TUBGCP6: variants seen among roughly 807,000 people sequenced by gnomAD.
The protein encoded by TUBGCP6 is gamma-tubulin complex component 6.
Under a neutral mutation model 175.8 loss-of-function variants are expected in TUBGCP6, and 161 were observed. That is an observed-to-expected ratio of 0.92 (90% CI 0.81 to 1.04). The LOEUF is 1.04. Among genes scored for constraint, TUBGCP6 ranks in the 50% least tolerant of loss-of-function variants. The pLI is 0.00. For missense variants in TUBGCP6, 2,572 were observed against 2,433.0 expected (o/e 1.06, Z -1.20); for synonymous variants, 1,173 against 1,030.5 (o/e 1.14, Z -2.65).
At chr22:50,243,275 C>T (rs543313737) in intron 1 of TUBGCP6, among the ~76,000 whole-genome samples, 1 of 152,146 alleles carries the variant, frequency 6.6e-6, no homozygotes, top group Non-Finnish European at 1.5e-5. Flanking sequence ...TGGTGAAACC[C>T]CATCTCTACT....
chr22:50,243,526 G>T (rs1406061106), intron 1 of TUBGCP6, among the ~76,000 whole-genome samples, 193 bp downstream of exon 1: 4 of 147,056 alleles, frequency 2.7e-5, no homozygotes, highest in Non-Finnish European at 5.9e-5. Context: ...GCTGAGGTAC[G>T]AGAATTGCTT....
At position 50,220,546 on chromosome 22, in the gene TUBGCP6, G is replaced by A. The variant is rs772513759; in HGVS notation, c.3813C>T (p.Pro1271=). Residue 1271 remains proline (P), a synonymous_variant, in exon 16 of 25, where the codon CCC becomes CCT. Coordinates refer to ENST00000248846, the MANE Select transcript of TUBGCP6 (RefSeq NM_020461.4). ...STRPRWNTHV[P]IPPPHMVLGA... ...CCAGCACCATGTGGGGCGGAGGGATGGGTACATGGGTGTTCCACCGTGGCC... is the reference window on the plus strand; with the variant it reads ...CCAGCACCATGTGGGGCGGAGGGATAGGTACATGGGTGTTCCACCGTGGCC... 5 of 1,613,530 alleles carry A rather than the reference G, an allele frequency of 3.1e-6. No individual in the cohort carries two copies. Among genetic ancestry groups the A allele is most frequent in the South Asian group, 2.2e-5 (2 of 91,078 alleles).
In TUBGCP6 at chr22:50,219,691, G is replaced by T; in HGVS notation, c.4268C>A (p.Ala1423Glu). Residue 1423 changes from alanine to glutamate, a missense_variant, in exon 18 of 25, where the codon GCA (alanine) becomes GAA (glutamate). Ala to Glu is a moderately radical substitution (Grantham distance 107). Coordinates refer to ENST00000248846, the MANE Select transcript of TUBGCP6 (RefSeq NM_020461.4). ...GTACCGCTCCAAGTGGTACTGCCCT[G>T]CCAGGCCTGCCAGGTAGGCCTGCTC... ...GGEQAYLAGL[A>E]GQYHLERYPD... 1 of 1,613,678 alleles carries T rather than the reference G, an allele frequency of 6.2e-7. No individual in the cohort carries two copies. The highest frequency in any genetic ancestry group is 8.5e-7 in the Non-Finnish European group (1 of 1,179,960).
rs1158731732 is a variant in TUBGCP6 at position 50,224,175 on chromosome 22, T to G, written c.2236A>C (p.Lys746Gln). 6.2e-7 allele frequency: 1 copy of G among 1,614,018 alleles called. No homozygotes were observed. Among genetic ancestry groups the G allele is most frequent in the Non-Finnish European group, 8.5e-7 (1 of 1,180,012 alleles). The change falls in exon 13 of 25, where the codon AAG (lysine) becomes CAG (glutamine). Residue 746 changes from lysine to glutamine, a missense_variant. Lys to Gln is a moderately conservative substitution (Grantham distance 53). Transcript: ENST00000248846. ...CTCTCCAGCTCCTCCTCCAGGGACT[T>G]CAGCCTTCTCTCCCTGTCTCGGAGT... ...RELRDRERRL[K>Q]SLEEELERKA...
At chr22:50,226,449 G>T in intron 7 of TUBGCP6, 71 bp from the exon 8 acceptor site, 2 of 1,419,690 alleles carry the variant, frequency 1.4e-6, no homozygotes, top group Non-Finnish European at 1.9e-6. Flanking sequence ...GTCAGTGAGG[G>T]GTGGGACAGG....
In TUBGCP6 at chr22:50,218,493, C is replaced by T. The variant is rs1281933667; in HGVS notation, c.4949G>A (p.Arg1650His). ...GGGCTCCAGCGGGGCCTCACCTGTG[C>T]GCTTGAGGTGGAAGCAGACGTCCTT... ...ALKDVCFHLK[R>H]TALLSHMAGS... is the part of the protein sequence containing the mutation. Residue 1650 changes from arginine (R) to histidine (H), a missense_variant, in exon 22 of 25, where the codon CGC becomes CAC. Arg to His is a conservative substitution (Grantham distance 29). Transcript: ENST00000248846. 7 of 1,613,496 alleles carry T rather than the reference C, an allele frequency of 4.3e-6. No individual in the cohort carries two copies. The highest frequency in any genetic ancestry group is 5.9e-6 in the Non-Finnish European group (7 of 1,179,938).
rs1291580756 is a variant in TUBGCP6, at chr22:50,244,739, C to T, written c.-280G>A. ...TTTCTTCTAATTCAGTAGCCCTCAA[C>T]CTTTAGGGAGTCACAGAACCGTGGC... On this transcript the variant is annotated 5_prime_UTR_variant, in exon 1 of 25. Transcript: ENST00000248846. 8.0e-5 allele frequency: 36 copies of T among 451,606 alleles called. No individual in the cohort carries two copies. In the East Asian group the frequency reaches 1.2e-3, roughly 15 times the overall value. The allele number at this position is 451,606 out of a possible 1,614,324, so 28.0% of individuals were successfully genotyped here. A position where few individuals can be genotyped will look rare whatever the true frequency, so the allele number is the denominator to read the frequency against.
Position 50,220,944 on chromosome 22 carries a change from T to A in TUBGCP6, c.3415A>T (p.Asn1139Tyr), listed in dbSNP as rs879117960. ...TTCTCCCCAACCCTGATGCTGGCGTTGGACACGTGCCCGTGGGTATTCCAC... is the reference window on the plus strand; with the variant it reads ...TTCTCCCCAACCCTGATGCTGGCGTAGGACACGTGCCCGTGGGTATTCCAC... ...PRWNTHGHVS[N>Y]ASIRVGENVS... The change falls in exon 16 of 25, where the codon AAC becomes TAC. Residue 1139 changes from asparagine (N) to tyrosine (Y), a missense_variant. By Grantham distance (143) the Asn-to-Tyr change is moderately radical (BLOSUM62 -2). Coordinates refer to ENST00000248846, the MANE Select transcript of TUBGCP6 (RefSeq NM_020461.4). 1.3e-6 allele frequency: 2 copies of A among 1,517,900 alleles called. No homozygotes were observed. The highest frequency in any genetic ancestry group is 2.3e-5 in the South Asian group (2 of 88,634). The allele number at this position is 1,517,900 out of a possible 1,614,324, so 94.0% of individuals were successfully genotyped here.
At chr22:50,228,084 C>T in intron 4 of TUBGCP6, 56 bp from the exon 5 acceptor site, 1 of 1,476,526 alleles carries the variant, frequency 6.8e-7, no homozygotes, top group Non-Finnish European at 9.0e-7. Flanking sequence ...CAGCCGTGCC[C>T]AGGGCCTGAG....
chr22:50,243,617 CA>C (rs375302946), intron 1 of TUBGCP6, 101 bp downstream of exon 1: 23,637 of 545,724 alleles, frequency 0.043, no homozygotes, highest in Middle Eastern at 0.096. Context: ...GACACTGTCT[CA>C]AAAAAAAAAA....
chr22:50,242,789 T>G (rs924154860), intron 1 of TUBGCP6, among the ~76,000 whole-genome samples: 1 of 152,194 alleles, frequency 6.6e-6, no homozygotes, highest in Non-Finnish European at 1.5e-5. Flanking sequence ...GCTGAGGAAC[T>G]GAGTATTTTA....
At position 50,220,931 on chromosome 22, in the gene TUBGCP6, C is replaced by T. The variant is rs887018694; in HGVS notation, c.3428G>A (p.Arg1143Lys). The stretch of plus-strand genomic sequence containing the variant: ...CACGTCCGACACGTTCTCCCCAACC[C>T]TGATGCTGGCGTTGGACACGTGCCC... Reference protein sequence around the residue: ...THGHVSNASIRVGENVSDVAP... With the variant: ...THGHVSNASIKVGENVSDVAP... Residue 1143 changes from arginine to lysine, a missense_variant, in exon 16 of 25, where the codon AGG becomes AAG. By Grantham distance (26) the Arg-to-Lys change is conservative. Transcript: ENST00000248846. 1 of 1,606,792 alleles carries T rather than the reference C, an allele frequency of 6.2e-7. No homozygotes were observed. The highest frequency in any genetic ancestry group is 1.3e-5 in the African/African-American group (1 of 74,082).
At chr22:50,241,746 G>A (rs776000453) in intron 1 of TUBGCP6, among the ~76,000 whole-genome samples, 2 of 152,146 alleles carry the variant, frequency 1.3e-5, no homozygotes, top group African/African-American at 2.4e-5. Context: ...CCTATCATTG[G>A]AGATGACTCA....
At chr22:50,241,001 G>C (rs2064831872) in intron 1 of TUBGCP6, among the ~76,000 whole-genome samples, 1 of 152,148 alleles carries the variant, frequency 6.6e-6, no homozygotes, top group Admixed American at 6.6e-5. Context: ...AAGCCACCCA[G>C]GTGCCGAGGC....
rs1177707249 is a variant in TUBGCP6, at chr22:50,218,502, T to C, written c.4940A>G (p.His1647Arg). The C allele has an allele frequency of 2.5e-6, 4 of 1,613,292 alleles. No homozygotes were observed. The Admixed American group carries it at 5.0e-5, about 20-fold the overall frequency. ...CGGGGCCTCACCTGTGCGCTTGAGG[T>C]GGAAGCAGACGTCCTTGAGCGCCCA... Reference protein sequence around the residue: ...MMWALKDVCFHLKRTALLSHM... With the variant: ...MMWALKDVCFRLKRTALLSHM... Residue 1647 changes from histidine to arginine, a missense_variant, in exon 22 of 25, where the codon CAC becomes CGC. His to Arg is a conservative substitution (Grantham distance 29). Coordinates refer to ENST00000248846, the MANE Select transcript of TUBGCP6 (RefSeq NM_020461.4).
intron 1 of TUBGCP6, 24 bp from the exon 2 acceptor site, chr22:50,240,391 C>A (rs575594102): frequency 1.2e-6 from 2 of 1,613,372 alleles, no homozygotes; most frequent in African/African-American, 2.7e-5. Flanking sequence ...GAAGGGCAAA[C>A]CGCCACTTAT....
rs769511798 is a variant in TUBGCP6, at chr22:50,221,509, C to T, written c.2850G>A (p.Glu950=). ...GCCTCAGGACAGTACTAAAGTCGTA[C>T]TCCTGTGGCCTGGAGGGCTGAGTGC... ...AASTQPSRPQ[E]YDFSTVLRPA... The change falls in exon 16 of 25, where the codon GAG becomes GAA. Residue 950 remains glutamate, a synonymous_variant. Transcript: ENST00000248846. The T allele has an allele frequency of 6.3e-7, 1 of 1,584,552 alleles. No homozygotes were observed. Among genetic ancestry groups the T allele is most frequent in the Non-Finnish European group, 8.6e-7 (1 of 1,164,918 alleles).
Position 50,219,810 on chromosome 22 carries a change from CAG to C in TUBGCP6, c.4168-21_4168-20del, listed in dbSNP as rs1200264603. 1 of 1,610,904 alleles carries C rather than the reference CAG, an allele frequency of 6.2e-7. No individual in the cohort carries two copies. Among genetic ancestry groups the C allele is most frequent in the South Asian group, 1.1e-5 (1 of 91,028 alleles). ...TGTCTTCCTAACAAAACACCAGCCTCAGAACCACCTCCCCACTGCACGCTGTC... is the reference window on the plus strand; with the variant it reads ...TGTCTTCCTAACAAAACACCAGCCTCAACCACCTCCCCACTGCACGCTGTC... On this transcript the variant is annotated intron_variant, in intron 17 of 24. Transcript: ENST00000248846.
At chr22:50,233,658 T>C (rs1212540661) in intron 2 of TUBGCP6, 132 bp from the exon 3 acceptor site, 1 of 880,022 alleles carries the variant, frequency 1.1e-6, no homozygotes, top group Non-Finnish European at 1.7e-6. Flanking sequence ...CTAAGAAACA[T>C]AGCCAGGTAT....
Sources: allele counts gnomAD v4.1 joint callset (sites outside exome capture counted in the v4.1 genomes callset), GRCh38; gene constraint gnomAD v4.1.1; transcripts MANE v1.5; gene names NCBI Gene and HGNC (gene_info 2026-07-23, HGNC 2026-07-21).